IGFL2: variants seen among roughly 807,000 people sequenced by gnomAD.
IGFL2 encodes the protein insulin growth factor-like family member 2.
A neutral mutation model predicts 13.9 loss-of-function variants in IGFL2; 7 were observed. That is an observed-to-expected ratio of 0.51 (90% CI 0.29 to 0.95). The LOEUF is 0.95. Among genes scored for constraint, IGFL2 ranks in the 40% least tolerant of loss-of-function variants. IGFL2 has a pLI of 0.08. For missense variants in IGFL2, 138 were observed against 147.8 expected, an observed-to-expected ratio of 0.93 and a Z score of 0.34; for synonymous variants, 55 against 55.8, an observed-to-expected ratio of 0.99 and a Z score of 0.07.
chr19:46,150,332 T>C (rs1286199267), intron 1 of IGFL2, among the ~76,000 whole-genome samples: 1 of 152,260 alleles, frequency 6.6e-6, no homozygotes, highest in Non-Finnish European at 1.5e-5. Context: ...ATTGTGTTCA[T>C]TTCCTTGATG....
At chr19:46,093,365 A>G in the IGFL2 span, among the ~76,000 whole-genome samples, 1 of 152,246 alleles carries the variant, frequency 6.6e-6, no homozygotes, top group Non-Finnish European at 1.5e-5. Flanking sequence ...GCAGAATAAA[A>G]TGCATTCTCA....
At chr19:46,135,917 C>G in the IGFL2 span, among the ~76,000 whole-genome samples, 1 of 152,236 alleles carries the variant, frequency 6.6e-6, no homozygotes, top group Non-Finnish European at 1.5e-5. Flanking sequence ...AATACAGGCC[C>G]TCAGTCTTTT....
At chr19:46,110,539 A>G in the IGFL2 span, among the ~76,000 whole-genome samples, 1 of 152,262 alleles carries the variant, frequency 6.6e-6, no homozygotes, top group Non-Finnish European at 1.5e-5. Flanking sequence ...AATTTAGTAT[A>G]CAATTAAAGT....
the IGFL2 span, among the ~76,000 whole-genome samples, chr19:46,092,857 T>G: frequency 6.6e-6 from 1 of 152,174 alleles, no homozygotes; most frequent in African/African-American, 2.4e-5. Flanking sequence ...GTTGATCTTT[T>G]AAAAGGGCAT....
the IGFL2 span, among the ~76,000 whole-genome samples, chr19:46,087,329 G>A: frequency 6.6e-6 from 1 of 152,216 alleles, no homozygotes; most frequent in Non-Finnish European, 1.5e-5. Flanking sequence ...GGCTGTGGTG[G>A]TAGTGGCAGG....
the IGFL2 span, among the ~76,000 whole-genome samples, chr19:46,121,947 TAAAATGTA>T: frequency 6.6e-6 from 1 of 151,004 alleles, no homozygotes; most frequent in African/African-American, 2.5e-5. Flanking sequence ...ACTGCATTTT[TAAAATGTA>T]AAAATGTAAA....
chr19:46,200,499 CTTT>C, the IGFL2 span, among the ~76,000 whole-genome samples: 1 of 149,276 alleles, frequency 6.7e-6, no homozygotes, highest in African/African-American at 2.5e-5. Context: ...CTTTTCTTTT[CTTT>C]TCTTTTCTCT....
the IGFL2 span, among the ~76,000 whole-genome samples, chr19:46,092,896 A>G: frequency 6.6e-6 from 1 of 152,200 alleles, no homozygotes; most frequent in Non-Finnish European, 1.5e-5. Context: ...AATGGCTCCA[A>G]AATGTTTTTG....
downstream of IGFL2, among the ~76,000 whole-genome samples, chr19:46,165,074 G>C (rs562936084): frequency 6.6e-6 from 1 of 152,284 alleles, no homozygotes. Flanking sequence ...CCCTTGTACT[G>C]CTTAGTCAAG....
the IGFL2 span, among the ~76,000 whole-genome samples, chr19:46,087,400 G>A: frequency 6.6e-6 from 1 of 152,332 alleles, no homozygotes; most frequent in African/African-American, 2.4e-5. Context: ...TAGTAGACCA[G>A]GTTGCGTGAT....
chr19:46,086,323 C>T, the IGFL2 span, among the ~76,000 whole-genome samples: 5 of 151,656 alleles, frequency 3.3e-5, no homozygotes, highest in East Asian at 9.7e-4. Context: ...TCATAAATTC[C>T]TTTTTTTTCT....
downstream of IGFL2, among the ~76,000 whole-genome samples, chr19:46,162,530 A>T (rs541664590): frequency 1.6e-4 from 24 of 151,972 alleles, 1 homozygote; most frequent in African/African-American, 5.8e-4. Flanking sequence ...TGACTCTCTT[A>T]TTTCAAAGAA....
chr19:46,175,420 C>T, the IGFL2 span, among the ~76,000 whole-genome samples: 1 of 152,094 alleles, frequency 6.6e-6, no homozygotes, highest in Non-Finnish European at 1.5e-5. Context: ...TGCCTCCATG[C>T]AGGGCAGGGA....
chr19:46,143,590 A>G (rs111251885), upstream of IGFL2, among the ~76,000 whole-genome samples: 68 of 152,268 alleles, frequency 4.5e-4, no homozygotes, highest in Middle Eastern at 3.4e-3. Flanking sequence ...CAGGAAATCA[A>G]AAATTACATG....
At chr19:46,147,990 T>A, upstream of IGFL2, 1 of 382,140 alleles carries the variant, frequency 2.6e-6, no homozygotes, top group Non-Finnish European at 4.7e-6. Context: ...GTTCAAAGAA[T>A]GACACTCACT....
chr19:46,167,729 T>C, the IGFL2 span, among the ~76,000 whole-genome samples: 14,801 of 152,186 alleles, frequency 0.097, 995 homozygotes, highest in African/African-American at 0.18. Context: ...CTTGAGGTCA[T>C]AAGGGTAGGG....
the IGFL2 span, among the ~76,000 whole-genome samples, chr19:46,199,536 C>A: frequency 5.3e-5 from 8 of 152,188 alleles, no homozygotes; most frequent in African/African-American, 1.9e-4. Context: ...CCTGGCCACC[C>A]TCCCCGCTTC....
At chr19:46,124,196 AGATAC>A in the IGFL2 span, 1 of 1,610,006 alleles carries the variant, frequency 6.2e-7, no homozygotes, top group Non-Finnish European at 8.5e-7. Context: ...AAGGAAGAAC[AGATAC>A]TCAATTCCCA....
the IGFL2 span, chr19:46,124,579 A>G: frequency 2.6e-5 from 41 of 1,556,502 alleles, no homozygotes; most frequent in African/African-American, 4.2e-5. Flanking sequence ...TGGGAGCTGC[A>G]CTGGGAATGA....
Sources: allele counts gnomAD v4.1 joint callset (sites outside exome capture counted in the v4.1 genomes callset), GRCh38; gene constraint gnomAD v4.1.1; transcripts MANE v1.5; gene names NCBI Gene and HGNC (gene_info 2026-07-23, HGNC 2026-07-21).